Variants in MRPS18A observed in about 807,000 individuals in gnomAD.
MRPS18A encodes mitochondrial ribosomal protein S18A, also known as large ribosomal subunit protein mL66.
A neutral mutation model predicts 22.7 loss-of-function variants in MRPS18A; 20 were observed. The ratio of observed to expected loss-of-function variants is 0.88; its 90% CI spans 0.62 to 1.28. The LOEUF is 1.28. MRPS18A is among the 50% of genes most tolerant of loss of function. MRPS18A has a pLI of 0.00. For missense variants in MRPS18A, 294 were observed against 262.6 expected (o/e 1.12, Z -0.83); for synonymous variants, 106 against 99.1 (o/e 1.07, Z -0.41).
rs111713993 is a variant in MRPS18A at position 43,680,126 on chromosome 6, A to G, written c.144+963T>C. On this transcript the variant is annotated intron_variant, in intron 2 of 5. Coordinates refer to ENST00000372133, the MANE Select transcript of MRPS18A (RefSeq NM_018135.4). ...ACAGCAGACTCATGCCCCACATGAA[A>G]AACACTCTTTATACTCAAAAGTCAG... Among the ~76,000 whole-genome samples, 93 of 152,314 alleles carry G rather than the reference A, an allele frequency of 6.1e-4. 1 individual carries two copies. Among genetic ancestry groups the G allele is most frequent in the Middle Eastern group, 3.4e-3 (1 of 294 alleles).
chr6:43,672,551 G>A (rs1773797534), intron 5 of MRPS18A: 4 of 415,284 alleles, frequency 9.6e-6, no homozygotes, highest in South Asian at 1.7e-5. Context: ...GGCTCATGCC[G>A]GCTAGGATTG....
chr6:43,672,677 G>C, intron 5 of MRPS18A: 1 of 262,364 alleles, frequency 3.8e-6, no homozygotes, highest in East Asian at 9.5e-5. Context: ...TTCTAGGTTG[G>C]GGCTCAACCC....
rs144925215 is a variant in MRPS18A at position 43,673,800 on chromosome 6, C to T, written c.446+1402G>A. 6.0e-4 allele frequency among the ~76,000 whole-genome samples: 92 copies of T among 152,320 alleles called. No homozygotes were observed. Among genetic ancestry groups the T allele is most frequent in the Admixed American group, 2.3e-3 (35 of 15,310 alleles). On this transcript the variant is annotated intron_variant, in intron 5 of 5. Transcript: ENST00000372133. This position sits in a 1 kb window ranked among gnomAD's most constrained non-coding sequence, Gnocchi z 4.2. Reference sequence around the variant, plus strand: ...CCCCTGCAAGGGAATCCATTTCCTTCGTAGCCTGAACTCCCCCTCCCGCTC... The same window carrying T: ...CCCCTGCAAGGGAATCCATTTCCTTTGTAGCCTGAACTCCCCCTCCCGCTC...
In MRPS18A at chr6:43,673,763, T is replaced by C. The variant is rs1173812253; in HGVS notation, c.446+1439A>G. ...GAGCCTGGGCCCATGCATGGCAGCA[T>C]TAAACGAGACTCCCCTGCAAGGGAA... On this transcript the variant is annotated intron_variant, in intron 5 of 5. Coordinates refer to ENST00000372133, the MANE Select transcript of MRPS18A (RefSeq NM_018135.4). This position sits in a 1 kb window ranked among gnomAD's most constrained non-coding sequence, Gnocchi z 4.2. 6.6e-6 allele frequency among the ~76,000 whole-genome samples: 1 copy of C among 152,222 alleles called. No individual in the cohort carries two copies. Among genetic ancestry groups the C allele is most frequent in the Non-Finnish European group, 1.5e-5 (1 of 68,038 alleles).
chr6:43,671,499 T>C lies in MRPS18A; in HGVS notation c.*263A>G. On this transcript the variant is annotated 3_prime_UTR_variant, in exon 6 of 6. Transcript: ENST00000372133. ...ATGACACTGCGTTGGGCAAAACTCC[T>C]GTCCCCAGCACTGAGCATGGCCTAA... is the stretch of plus-strand genomic sequence containing the variant. 1.9e-6 allele frequency: 1 copy of C among 532,814 alleles called. No homozygotes were observed. Among genetic ancestry groups the C allele is most frequent in the Middle Eastern group, 5.1e-4 (1 of 1,950 alleles). The allele number at this position is 532,814 out of a possible 1,614,324, so 33.0% of individuals were successfully genotyped here. A position where few individuals can be genotyped will look rare whatever the true frequency, so the allele number is the denominator to read the frequency against.
At chr6:43,679,162 TC>T (rs1429116603) in intron 2 of MRPS18A, among the ~76,000 whole-genome samples, 1 of 152,140 alleles carries the variant, frequency 6.6e-6, no homozygotes, top group South Asian at 2.1e-4. Context: ...GTGATTTTGC[TC>T]CCCAGGGGAC....
rs142590546 is a variant in MRPS18A at position 43,677,764 on chromosome 6, C to T, written c.252+754G>A. Among the ~76,000 whole-genome samples, 651 of 152,288 alleles carry T rather than the reference C, an allele frequency of 4.3e-3. 4 individuals carry two copies. Among genetic ancestry groups the T allele is most frequent in the African/African-American group, 0.015 (622 of 41,560 alleles). On this transcript the variant is annotated intron_variant, in intron 3 of 5. Coordinates refer to ENST00000372133, the MANE Select transcript of MRPS18A (RefSeq NM_018135.4). Reference sequence around the variant, plus strand: ...AAAATGAGGATGAAACTAGTACCTACTTCATAGGGTTACTGTGAAAACTAA... The same window carrying T: ...AAAATGAGGATGAAACTAGTACCTATTTCATAGGGTTACTGTGAAAACTAA...
In MRPS18A at chr6:43,687,717, GC is replaced by G. The variant is rs2127957231; in HGVS notation, c.62del (p.Gly21AlafsTer28). The G allele has an allele frequency of 6.3e-7, 1 of 1,587,444 alleles. No individual in the cohort carries two copies. The highest frequency in any genetic ancestry group is 8.6e-7 in the Non-Finnish European group (1 of 1,167,152). On this transcript the variant is annotated frameshift_variant, in exon 1 of 6. Transcript: ENST00000372133. LOFTEE classifies it high-confidence loss of function. Reference protein sequence around the residue: ...CGRLLRGLLAGPAATSWSRLP... With the variant: ...CGRLLRGLLAXPAATSWSRLP... ...GCCGAGACCAGCTGGTCGCTGCCGGGCCCGCTAGTAGCCCACGGAGAAGCCG... is the reference window on the plus strand; with the variant it reads ...GCCGAGACCAGCTGGTCGCTGCCGGGCCGCTAGTAGCCCACGGAGAAGCCG...
At chr6:43,676,778 C>A (rs1383836791) in intron 3 of MRPS18A, among the ~76,000 whole-genome samples, 1 of 152,244 alleles carries the variant, frequency 6.6e-6, no homozygotes, top group African/African-American at 2.4e-5. Context: ...AACTTGCTGC[C>A]CTGGCAGGCG....
rs1321385062 is a variant in MRPS18A at position 43,671,974 on chromosome 6, C to T, written c.447-68G>A. 6 of 1,485,578 alleles carry T rather than the reference C, an allele frequency of 4.0e-6. No homozygotes were observed. The African/African-American group carries it at 5.6e-5, about 14-fold the overall frequency. 92.0% of individuals were successfully genotyped at this position (1,485,578 alleles called of 1,614,324 possible). ...CCAAGCTGGACGTGGGAGAGTGGAG[C>T]ACTACCTCCTCAGGCCAGGCCACGG... On this transcript the variant is annotated intron_variant, in intron 5 of 5. Transcript: ENST00000372133.
chr6:43,687,761 G>T lies in MRPS18A; in HGVS notation c.19C>A (p.Leu7Met), dbSNP rs199785567. 9 of 1,579,470 alleles carry T rather than the reference G, an allele frequency of 5.7e-6. No individual in the cohort carries two copies. In the South Asian group the frequency reaches 5.8e-5, roughly 10 times the overall value. MAALKALVSGCGRLLRG... is the reference protein window; with the variant it reads MAALKAMVSGCGRLLRG... ...AGAAGCCGCCCACAGCCGGACACCAGAGCCTTGAGGGCCGCCATCTTCAAA... is the reference window on the plus strand; with the variant it reads ...AGAAGCCGCCCACAGCCGGACACCATAGCCTTGAGGGCCGCCATCTTCAAA... Residue 7 changes from leucine (L) to methionine (M), a missense_variant, in exon 1 of 6, where the codon CTG becomes ATG. Coordinates refer to ENST00000372133, the MANE Select transcript of MRPS18A (RefSeq NM_018135.4).
chr6:43,687,229 C>A (rs905049385), intron 1 of MRPS18A, among the ~76,000 whole-genome samples: 3 of 152,176 alleles, frequency 2.0e-5, no homozygotes, highest in African/African-American at 7.2e-5. Flanking sequence ...GCAGAGAACG[C>A]CGCCATCAGA....
intron 5 of MRPS18A, among the ~76,000 whole-genome samples, chr6:43,674,939 G>C (rs1773967535): frequency 6.6e-6 from 1 of 152,204 alleles, no homozygotes; most frequent in Admixed American, 6.5e-5. Context: ...GCCACCCAGT[G>C]TGATGTCATA....
chr6:43,684,384 G>T (rs1774576905), intron 1 of MRPS18A, among the ~76,000 whole-genome samples: 1 of 152,022 alleles, frequency 6.6e-6, no homozygotes, highest in African/African-American at 2.4e-5. Context: ...TCAGGGAGAG[G>T]TGTGCCATGT....
Position 43,675,123 on chromosome 6 carries a change from A to AATG in MRPS18A, c.446+76_446+78dup. On this transcript the variant is annotated intron_variant, in intron 5 of 5. Coordinates refer to ENST00000372133, the MANE Select transcript of MRPS18A (RefSeq NM_018135.4). ...GGGGTGGATGCTTAAGCTGGCAGGG[A>AATG]ATGGAACAGACAGCCAAGGTGCACC... The AATG allele has an allele frequency of 3.2e-6, 4 of 1,246,402 alleles. No individual in the cohort carries two copies. The South Asian group carries it at 4.9e-5, about 15-fold the overall frequency. The allele number at this position is 1,246,402 out of a possible 1,614,324, so 77.2% of individuals were successfully genotyped here. A position where few individuals can be genotyped will look rare whatever the true frequency, so the allele number is the denominator to read the frequency against.
intron 1 of MRPS18A, among the ~76,000 whole-genome samples, chr6:43,687,344 C>T (rs1774766114): frequency 1.3e-5 from 2 of 152,158 alleles, no homozygotes; most frequent in African/African-American, 4.8e-5. Flanking sequence ...GACTGCGATT[C>T]GGAGAACATG....
rs200461478 is a variant in MRPS18A at position 43,671,791 on chromosome 6, A to G, written c.562T>C (p.Ser188Pro). The G allele has an allele frequency of 5.1e-5, 82 of 1,614,202 alleles. No individual in the cohort carries two copies. Among genetic ancestry groups the G allele is most frequent in the Admixed American group, 5.0e-4 (30 of 60,028 alleles). The part of the protein sequence containing the change: ...SPLLRDNVCY[S>P]RTPWKLYH ...TGATACAGCTTCCAAGGTGTTCTTG[A>G]GTAGCAGACATTGTCCCTCAGAAGG... The change falls in exon 6 of 6, where the codon TCA becomes CCA. Residue 188 changes from serine to proline, a missense_variant. Ser to Pro is a moderately conservative substitution (Grantham distance 74, BLOSUM62 -1). Transcript: ENST00000372133.
intron 2 of MRPS18A, among the ~76,000 whole-genome samples, chr6:43,680,249 G>T (rs1052508562): frequency 1.3e-5 from 2 of 152,148 alleles, no homozygotes; most frequent in Admixed American, 6.5e-5. Flanking sequence ...ATTGGGGGGG[G>T]TCCCCTAAAA....
At chr6:43,675,671 C>G in intron 3 of MRPS18A, 54 bp from the exon 4 acceptor site, 3 of 1,552,518 alleles carry the variant, frequency 1.9e-6, no homozygotes, top group Non-Finnish European at 1.7e-6. Flanking sequence ...CTTTTGATGC[C>G]GGGAAGCTAG....
Sources: allele counts gnomAD v4.1 joint callset (sites outside exome capture counted in the v4.1 genomes callset), GRCh38; gene constraint gnomAD v4.1.1; non-coding constraint Gnocchi (gnomAD v3.1); transcripts MANE v1.5; gene names NCBI Gene and HGNC (gene_info 2026-07-23, HGNC 2026-07-21).